The following FANCC variants were observed in gnomAD, a reference collection of about 807,000 sequenced individuals.
The protein encoded by FANCC is Fanconi anemia group C protein.
In FANCC, 55 loss-of-function variants were observed where a neutral mutation model predicts 71.3. The observed-to-expected ratio is 0.77, with a 90% CI of 0.62 to 0.97. FANCC has a LOEUF of 0.97. Ranked by LOEUF, FANCC falls within the 50% of genes least tolerant of loss-of-function variation. The pLI is 0.00. For synonymous variants in FANCC, 275 were observed against 244.9 expected (o/e 1.12, Z -1.15); for missense variants, 678 against 670.9 (o/e 1.01, Z -0.12).
chr9:95,114,792 G>T, intron 11 of FANCC, 82 bp from the exon 12 acceptor site: 2 of 1,146,166 alleles, frequency 1.7e-6, no homozygotes, highest in South Asian at 1.2e-5. Context: ...ATGACCTGAA[G>T]AGTCTTTGGG....
At chr9:95,292,683 A>C in intron 1 of FANCC, 1 of 1,326,104 alleles carries the variant, frequency 7.5e-7, no homozygotes, top group South Asian at 1.2e-5. Context: ...TAGCACAGTC[A>C]ATCCAATAAT....
At chr9:95,169,618 T>C (rs1825535695) in intron 6 of FANCC, among the ~76,000 whole-genome samples, 1 of 152,194 alleles carries the variant, frequency 6.6e-6, no homozygotes, top group Non-Finnish European at 1.5e-5. Flanking sequence ...CTGCCAGACC[T>C]GGAAAAGGGC....
In FANCC at chr9:95,249,196, T is replaced by C. The variant is rs1419297814; in HGVS notation, c.96A>G (p.Gln32=). Reference sequence around the variant, plus strand: ...ACTGAGCCACGTGAAGACAGGTGTCTTGCTGGGTTTCCAAAGTGGAAGCCT... The same window carrying C: ...ACTGAGCCACGTGAAGACAGGTGTCCTGCTGGGTTTCCAAAGTGGAAGCCT... ...WDQASTLETQ[Q]DTCLHVAQFQ... Residue 32 remains glutamine, a synonymous_variant, in exon 2 of 15, where the codon CAA becomes CAG. Coordinates refer to ENST00000289081, the MANE Select transcript of FANCC (RefSeq NM_000136.3). 1 of 1,614,194 alleles carries C rather than the reference T, an allele frequency of 6.2e-7. No individual in the cohort carries two copies. Among genetic ancestry groups the C allele is most frequent in the East Asian group, 2.2e-5 (1 of 44,886 alleles).
Position 95,101,617 on chromosome 9 carries a change from C to G in FANCC, c.*90G>C, listed in dbSNP as rs1169962749. 1 of 1,542,784 alleles carries G rather than the reference C, an allele frequency of 6.5e-7. No individual in the cohort carries two copies. The highest frequency in any genetic ancestry group is 8.9e-7 in the Non-Finnish European group (1 of 1,128,318). ...CACAGCCCAGCGAGGGCACTTACTC[C>G]ACAAATGCGTGGCCACAGGTCATCA... On this transcript the variant is annotated 3_prime_UTR_variant, in exon 15 of 15. Coordinates refer to ENST00000289081, the MANE Select transcript of FANCC (RefSeq NM_000136.3).
At chr9:95,237,774 C>T (rs1214336903) in intron 4 of FANCC, among the ~76,000 whole-genome samples, 1 of 152,098 alleles carries the variant, frequency 6.6e-6, no homozygotes, top group African/African-American at 2.4e-5. Context: ...AATGAAGATA[C>T]AACACGTAGA....
intron 1 of FANCC, chr9:95,294,360 G>A (rs1364238886): frequency 7.5e-6 from 12 of 1,589,610 alleles, no homozygotes; most frequent in East Asian, 2.2e-5. Context: ...AGACTCAAAC[G>A]GACTTCTTAC....
intron 3 of FANCC, among the ~76,000 whole-genome samples, chr9:95,244,933 C>G (rs981484119): frequency 6.6e-6 from 1 of 151,922 alleles, no homozygotes; most frequent in African/African-American, 2.4e-5. Flanking sequence ...CCATAATTAT[C>G]TACCCTGCAA....
chr9:95,269,818 T>G (rs1455948517), intron 1 of FANCC, among the ~76,000 whole-genome samples: 2 of 152,030 alleles, frequency 1.3e-5, no homozygotes, highest in East Asian at 1.9e-4. Context: ...TCTCGTAAGG[T>G]GGGACGAGAG....
At chr9:95,286,661 C>T (rs548954788) in intron 1 of FANCC, among the ~76,000 whole-genome samples, 5 of 152,212 alleles carry the variant, frequency 3.3e-5, no homozygotes, top group Admixed American at 6.5e-5. Flanking sequence ...ACACACATAA[C>T]GTGGGGGCAC....
chr9:95,147,625 A>C (rs1202596930), intron 7 of FANCC, among the ~76,000 whole-genome samples: 1 of 152,218 alleles, frequency 6.6e-6, no homozygotes, highest in Non-Finnish European at 1.5e-5. Flanking sequence ...AAATAAAGAC[A>C]AAAAATGTGA....
At chr9:95,271,866 T>G (rs987331218) in intron 1 of FANCC, among the ~76,000 whole-genome samples, 6 of 144,640 alleles carry the variant, frequency 4.1e-5, no homozygotes, top group Non-Finnish European at 9.1e-5. Context: ...ATCACCTGAC[T>G]CACCAACCAC....
At chr9:95,229,359 C>T (rs1829842636) in intron 4 of FANCC, among the ~76,000 whole-genome samples, 1 of 150,320 alleles carries the variant, frequency 6.7e-6, no homozygotes, top group African/African-American at 2.4e-5. Flanking sequence ...CACAAAGATA[C>T]TGCAATGTTC....
At position 95,100,690 on chromosome 9, in the gene FANCC, T is replaced by C. The variant is rs1457678472; in HGVS notation, c.*1017A>G. 1 of 228,802 alleles carries C rather than the reference T, an allele frequency of 4.4e-6. No homozygotes were observed. Among genetic ancestry groups the C allele is most frequent in the Non-Finnish European group, 8.7e-6 (1 of 115,326 alleles). 14.2% of individuals were successfully genotyped at this position (228,802 alleles called of 1,614,324 possible). A position where few individuals can be genotyped will look rare whatever the true frequency, so the allele number is the denominator to read the frequency against. On this transcript the variant is annotated 3_prime_UTR_variant, in exon 15 of 15. Coordinates refer to ENST00000289081, the MANE Select transcript of FANCC (RefSeq NM_000136.3). Reference sequence around the variant, plus strand: ...CTGTTGCCCAGGCTGGAGTGCAGTGTCATGATCTCGGCTCACTACAACTCC... The same window carrying C: ...CTGTTGCCCAGGCTGGAGTGCAGTGCCATGATCTCGGCTCACTACAACTCC...
In FANCC at chr9:95,249,184, A is replaced by T; in HGVS notation, c.108T>A (p.Leu36=). 6.2e-7 allele frequency: 1 copy of T among 1,614,122 alleles called. No homozygotes were observed. ...GGAACTCCTGGAACTGAGCCACGTGAAGACAGGTGTCTTGCTGGGTTTCCA... is the reference window on the plus strand; with the variant it reads ...GGAACTCCTGGAACTGAGCCACGTGTAGACAGGTGTCTTGCTGGGTTTCCA... ...STLETQQDTC[L]HVAQFQEFLR... The change falls in exon 2 of 15, where the codon CTT becomes CTA. Residue 36 remains leucine (L), a synonymous_variant. Transcript: ENST00000289081.
rs770809637 is a variant in FANCC at position 95,114,637 on chromosome 9, C to G, written c.1146G>C (p.Gln382His). The G allele has an allele frequency of 4.3e-6, 7 of 1,613,994 alleles. No homozygotes were observed. Among genetic ancestry groups the G allele is most frequent in the Non-Finnish European group, 5.1e-6 (6 of 1,179,860 alleles). ...SELLREAVED[Q>H]THGSCGGPFE... The stretch of plus-strand genomic sequence containing the variant: ...GGTCAGTGTTTGCTCACCCATGAGT[C>G]TGGTCTTCAACTGCTTCTCTGAGCA... Residue 382 changes from glutamine (Q) to histidine (H), a missense_variant, in exon 12 of 15, where the codon CAG (glutamine) becomes CAC (histidine). By Grantham distance (24) the Gln-to-His change is conservative. Coordinates refer to ENST00000289081, the MANE Select transcript of FANCC (RefSeq NM_000136.3).
intron 14 of FANCC, among the ~76,000 whole-genome samples, chr9:95,105,009 G>A (rs974307142): frequency 6.6e-6 from 1 of 152,238 alleles, no homozygotes; most frequent in Admixed American, 6.5e-5. Flanking sequence ...CATTGTTGCA[G>A]GTGTGCATTT....
intron 1 of FANCC, among the ~76,000 whole-genome samples, chr9:95,256,445 T>C (rs1359856399): frequency 2.0e-5 from 3 of 152,222 alleles, no homozygotes; most frequent in African/African-American, 4.8e-5. Flanking sequence ...CTAAGTTTCA[T>C]AAGCGAAGGA....
chr9:95,101,853 G>GCAAT lies in FANCC; in HGVS notation c.1534-7_1534-4dup. 6.2e-7 allele frequency: 1 copy of GCAAT among 1,613,912 alleles called. No homozygotes were observed. The highest frequency in any genetic ancestry group is 8.5e-7 in the Non-Finnish European group (1 of 1,179,936). On this transcript the variant is annotated splice_region_variant and splice_polypyrimidine_tract_variant and intron_variant, in intron 14 of 14. Coordinates refer to ENST00000289081, the MANE Select transcript of FANCC (RefSeq NM_000136.3). ...GTTATCTCAGCAGTGTGAGCCATCT[G>GCAAT]CAATCAGGACAGAAGAGAAGGCAAA...
At chr9:95,145,964 CTTTA>C (rs1829486585) in intron 7 of FANCC, among the ~76,000 whole-genome samples, 2 of 110,162 alleles carry the variant, frequency 1.8e-5, no homozygotes, top group South Asian at 2.8e-4. Flanking sequence ...AACTCTGATT[CTTTA>C]TTTTTTTTTA....
Sources: gnomAD v4.1 joint callset for allele counts (sites outside exome capture counted in the v4.1 genomes callset) on GRCh38, gnomAD v4.1.1 for gene constraint, MANE v1.5 for transcripts, NCBI Gene and HGNC (gene_info 2026-07-23, HGNC 2026-07-21) for gene names.